Variants in DCP1B observed in about 807,000 individuals in gnomAD.
DCP1B encodes mRNA-decapping enzyme 1B.
A neutral mutation model predicts 60.5 loss-of-function variants in DCP1B; 47 were observed. The ratio of observed to expected loss-of-function variants is 0.78; its 90% CI spans 0.61 to 0.99. DCP1B has a LOEUF of 0.99. Ranked by LOEUF, DCP1B falls within the 50% of genes least tolerant of loss-of-function variation. The pLI is 0.00. For synonymous variants in DCP1B, 267 were observed against 280.3 expected (o/e 0.95, Z 0.47); for missense variants, 725 against 756.8 (o/e 0.96, Z 0.49).
At chr12:1,959,346 T>C (rs2031036381) in intron 5 of DCP1B, among the ~76,000 whole-genome samples, 1 of 152,190 alleles carries the variant, frequency 6.6e-6, no homozygotes. Context: ...GATAAGAGAT[T>C]CATGTCCAAA....
At chr12:1,945,185 C>T (rs1449405939), downstream of DCP1B, among the ~76,000 whole-genome samples, 1 of 152,216 alleles carries the variant, frequency 6.6e-6, no homozygotes, top group Non-Finnish European at 1.5e-5. Flanking sequence ...AAAAGCTCAT[C>T]ATCACTGGTC....
At chr12:1,941,858 A>T (rs1565756424), downstream of DCP1B, among the ~76,000 whole-genome samples, 1 of 152,342 alleles carries the variant, frequency 6.6e-6, no homozygotes, top group East Asian at 1.9e-4. Flanking sequence ...AAGACCATCG[A>T]CATTATGAAG....
At chr12:1,986,544 C>T (rs2037837767) in intron 3 of DCP1B, among the ~76,000 whole-genome samples, 1 of 152,162 alleles carries the variant, frequency 6.6e-6, no homozygotes, top group African/African-American at 2.4e-5. Flanking sequence ...CCACCATGAC[C>T]ACCACAGTGG....
At chr12:1,973,881 C>T (rs959368126) in intron 3 of DCP1B, among the ~76,000 whole-genome samples, 4 of 152,168 alleles carry the variant, frequency 2.6e-5, no homozygotes, top group Non-Finnish European at 5.9e-5. Context: ...AAATATCATG[C>T]AGGGAGTCCC....
At chr12:1,988,954 C>T (rs923523662) in intron 3 of DCP1B, among the ~76,000 whole-genome samples, 4 of 152,186 alleles carry the variant, frequency 2.6e-5, no homozygotes, top group African/African-American at 4.8e-5. Context: ...TCCTAAATAT[C>T]TTAAGTTTTT....
At chr12:1,947,987 T>C (rs1200045352) in intron 8 of DCP1B, among the ~76,000 whole-genome samples, 1 of 152,208 alleles carries the variant, frequency 6.6e-6, no homozygotes, top group Non-Finnish European at 1.5e-5. Flanking sequence ...TTTTTAAAAA[T>C]GTTGTACTAA....
At chr12:1,968,352 C>CAAA (rs112698192) in intron 3 of DCP1B, among the ~76,000 whole-genome samples, 1 of 91,096 alleles carries the variant, frequency 1.1e-5, no homozygotes, top group Non-Finnish European at 2.4e-5. Context: ...AACTCTGTCT[C>CAAA]AAAAAAAAAA....
At chr12:1,989,922 A>T (rs1217534903) in intron 3 of DCP1B, among the ~76,000 whole-genome samples, 2 of 152,246 alleles carry the variant, frequency 1.3e-5, no homozygotes, top group Admixed American at 1.3e-4. Flanking sequence ...GGTAAAAACT[A>T]ATCTCTCTAA....
At chr12:1,991,665 G>C (rs1024352737) in intron 3 of DCP1B, 2 of 176,894 alleles carry the variant, frequency 1.1e-5, no homozygotes, top group Admixed American at 5.7e-5. Context: ...GACTATCATA[G>C]TGGACAGCAC....
intron 2 of DCP1B, among the ~76,000 whole-genome samples, chr12:1,995,343 A>G (rs561596751): frequency 1.6e-4 from 24 of 152,400 alleles, no homozygotes; most frequent in African/African-American, 5.8e-4. Context: ...CCCTGTGTGC[A>G]TGGCACATAG....
At chr12:1,984,955 C>A (rs954341091) in intron 3 of DCP1B, among the ~76,000 whole-genome samples, 1 of 151,104 alleles carries the variant, frequency 6.6e-6, no homozygotes, top group Non-Finnish European at 1.5e-5. Context: ...TACATAATTT[C>A]TGATAAGAAA....
chr12:2,003,224 T>C (rs1034300400), intron 1 of DCP1B, among the ~76,000 whole-genome samples: 2 of 152,186 alleles, frequency 1.3e-5, no homozygotes, highest in African/African-American at 4.8e-5. Flanking sequence ...TGCAGATAAG[T>C]AGGCTTATGA....
Position 1,971,157 on chromosome 12 carries a change from T to C in DCP1B, c.320-3247A>G. ...ACGGAGGTCAAGTTTAAGGGTACTT[T>C]GGTGCATGAAGCTCAACTCAACTAT... On this transcript the variant is annotated intron_variant, in intron 3 of 8. Transcript: ENST00000280665. The surrounding 1 kb of genome is among the most constrained non-coding windows in gnomAD (Gnocchi z 4.2). 7.8e-7 allele frequency: 1 copy of C among 1,289,420 alleles called. No individual in the cohort carries two copies. Among genetic ancestry groups the C allele is most frequent in the Non-Finnish European group, 1.0e-6 (1 of 988,530 alleles). 79.9% of individuals were successfully genotyped at this position (1,289,420 alleles called of 1,614,324 possible).
rs1237889482 is a variant in DCP1B at position 1,952,583 on chromosome 12, G to T, written c.1357C>A (p.Leu453Met). The part of the protein sequence containing the change: ...SSGVISPQEL[L>M]KKLQIVQQEQ... The stretch of plus-strand genomic sequence containing the variant: ...TGCTGTACAATCTGAAGCTTCTTCA[G>T]TAACTCTTGAGGGGAGATCACTCCA... Residue 453 changes from leucine (L) to methionine (M), a missense_variant, in exon 7 of 9, where the codon CTG becomes ATG. Coordinates refer to ENST00000280665, the MANE Select transcript of DCP1B (RefSeq NM_152640.5). 10 of 1,614,092 alleles carry T rather than the reference G, an allele frequency of 6.2e-6. No homozygotes were observed. The highest frequency in any genetic ancestry group is 1.1e-5 in the South Asian group (1 of 91,092).
chr12:1,967,898 C>T lies in DCP1B; in HGVS notation c.332G>A (p.Gly111Glu). 1.9e-6 allele frequency: 3 copies of T among 1,612,932 alleles called. No homozygotes were observed. Among genetic ancestry groups the T allele is most frequent in the Non-Finnish European group, 2.5e-6 (3 of 1,179,678 alleles). The change falls in exon 4 of 9, where the codon GGA becomes GAA. Residue 111 changes from glycine to glutamate, a missense_variant. Coordinates refer to ENST00000280665, the MANE Select transcript of DCP1B (RefSeq NM_152640.5). ...LYRNARLSIY[G>E]IWFYDKEECQ... ...TTCTTCCTTATCATAAAACCAAATT[C>T]CATAGATGGACACTGCAAAAAACAC...
chr12:1,979,704 C>T (rs1484296698), intron 3 of DCP1B, among the ~76,000 whole-genome samples: 3 of 152,174 alleles, frequency 2.0e-5, no homozygotes, highest in African/African-American at 7.2e-5. Context: ...AATAGTTCTC[C>T]AAAGTAGTTG....
At position 2,004,302 on chromosome 12, in the gene DCP1B, C is replaced by A; in HGVS notation, c.130G>T (p.Gly44Cys). ...VASQVALYTFGHRANEWEKTD... is the reference protein window; with the variant it reads ...VASQVALYTFCHRANEWEKTD... ...CGCACCCACTCGTTGGCCCGATGGCCGAAGGTGTACAGAGCCACCTGGCTG... is the reference window on the plus strand; with the variant it reads ...CGCACCCACTCGTTGGCCCGATGGCAGAAGGTGTACAGAGCCACCTGGCTG... The change falls in exon 1 of 9, where the codon GGC becomes TGC. Residue 44 changes from glycine to cysteine, a missense_variant. Physicochemically the swap from Gly to Cys is radical, Grantham distance 159. Coordinates refer to ENST00000280665, the MANE Select transcript of DCP1B (RefSeq NM_152640.5). The A allele has an allele frequency of 6.2e-7, 1 of 1,613,246 alleles. No homozygotes were observed. Among genetic ancestry groups the A allele is most frequent in the African/African-American group, 1.3e-5 (1 of 75,048 alleles).
At chr12:1,943,865 T>G (rs1355476916), downstream of DCP1B, among the ~76,000 whole-genome samples, 1 of 152,200 alleles carries the variant, frequency 6.6e-6, no homozygotes, top group Non-Finnish European at 1.5e-5. Flanking sequence ...AAGCATTCCC[T>G]TTGAAAACTG....
intron 3 of DCP1B, chr12:1,992,879 G>T (rs2039793757): frequency 2.2e-6 from 1 of 462,204 alleles, no homozygotes; most frequent in African/African-American, 2.0e-5. Context: ...GATACATAAA[G>T]AAAAAGTGCC....
Sources: allele counts gnomAD v4.1 joint callset (sites outside exome capture counted in the v4.1 genomes callset), GRCh38; gene constraint gnomAD v4.1.1; non-coding constraint Gnocchi (gnomAD v3.1); transcripts MANE v1.5; gene names NCBI Gene and HGNC (gene_info 2026-07-23, HGNC 2026-07-21).